The following RIN2 variants were observed in gnomAD, a reference collection of about 807,000 sequenced individuals.
RIN2 encodes RAB5 interacting protein 2.
In RIN2, 36 loss-of-function variants were observed where a neutral mutation model predicts 78.0. That is an observed-to-expected ratio of 0.46 (90% CI 0.35 to 0.61). The LOEUF (loss-of-function observed/expected upper bound fraction) is 0.61, where lower values mean the gene tolerates loss of function less well. Among genes scored for constraint, RIN2 ranks in the 20% least tolerant of loss-of-function variants. The probability of loss-of-function intolerance (pLI) is 0.00; values close to 1 mark genes in which losing one functional copy is unlikely to be tolerated. For synonymous variants in RIN2, 466 were observed against 466.8 expected, an observed-to-expected ratio of 1.00 and a Z score of 0.02; for missense variants, 1,087 against 1,159.7, an observed-to-expected ratio of 0.94 and a Z score of 0.91.
rs1365329684 is a variant in RIN2, at chr20:19,854,562, G to A, written c.-36-35004G>A. On this transcript the variant is annotated intron_variant, in intron 2 of 12. Transcript: ENST00000255006. Reference sequence around the variant, plus strand: ...GTGTCCTCTTTTGTTTCGTTGAGCAGTGGTTTGTAGTTCTCCTTGAAGAGG... The same window carrying A: ...GTGTCCTCTTTTGTTTCGTTGAGCAATGGTTTGTAGTTCTCCTTGAAGAGG... 2.6e-5 allele frequency among the ~76,000 whole-genome samples: 4 copies of A among 152,188 alleles called. No individual in the cohort carries two copies. The East Asian group carries it at 7.7e-4, about 29-fold the overall frequency.
chr20:19,763,769 G>C (rs958087353), intron 1 of RIN2, among the ~76,000 whole-genome samples: 2 of 152,192 alleles, frequency 1.3e-5, no homozygotes, highest in African/African-American at 2.4e-5. Context: ...CCATGATTGA[G>C]AGCCCCTGAT....
chr20:19,763,612 G>A (rs865792102), intron 1 of RIN2, among the ~76,000 whole-genome samples: 2 of 152,154 alleles, frequency 1.3e-5, no homozygotes, highest in Non-Finnish European at 2.9e-5. Context: ...TTAGGTGAAA[G>A]TTTAAACACA....
At chr20:19,951,224 G>A in intron 4 of RIN2, among the ~76,000 whole-genome samples, 1 of 152,056 alleles carries the variant, frequency 6.6e-6, no homozygotes. Flanking sequence ...ATGAGTTCCA[G>A]GCTATGCACT....
intron 1 of RIN2, among the ~76,000 whole-genome samples, chr20:19,784,077 A>C (rs2034595310): frequency 6.6e-6 from 1 of 152,188 alleles, no homozygotes; most frequent in South Asian, 2.1e-4. Context: ...GTGGCACCGG[A>C]TGGCGCTGCT....
intron 3 of RIN2, among the ~76,000 whole-genome samples, chr20:19,921,069 C>G (rs997579304): frequency 6.6e-6 from 1 of 152,200 alleles, no homozygotes; most frequent in African/African-American, 2.4e-5. Flanking sequence ...ATCAGGGGTG[C>G]CGCCTAAACA....
At chr20:19,881,380 T>C (rs536183751) in intron 2 of RIN2, among the ~76,000 whole-genome samples, 20 of 152,310 alleles carry the variant, frequency 1.3e-4, no homozygotes, top group African/African-American at 4.8e-4. Context: ...GTAAACACCC[T>C]GATGGTGAAG....
chr20:19,814,317 G>A (rs191170582), intron 2 of RIN2, among the ~76,000 whole-genome samples: 18 of 152,268 alleles, frequency 1.2e-4, no homozygotes, highest in African/African-American at 4.3e-4. Context: ...TGGGGTGTTT[G>A]GACCCATGTT....
chr20:19,842,863 T>G (rs1482712754), intron 2 of RIN2, among the ~76,000 whole-genome samples: 1 of 151,906 alleles, frequency 6.6e-6, no homozygotes, highest in Non-Finnish European at 1.5e-5. Flanking sequence ...AAAAATCTTC[T>G]GAAAAGAATT....
At position 20,001,068 on chromosome 20, in the gene RIN2, C is replaced by G. The variant is rs1279765688; in HGVS notation, c.*132C>G. On this transcript the variant is annotated 3_prime_UTR_variant, in exon 13 of 13. Transcript: ENST00000255006. The stretch of plus-strand genomic sequence containing the variant: ...CTCAGTGTAGTGACTAAGCCATCCA[C>G]AGGCCAACTCGGCCAAGGGCAACTT... 2 of 819,166 alleles carry G rather than the reference C, an allele frequency of 2.4e-6. No individual in the cohort carries two copies. The highest frequency in any genetic ancestry group is 3.7e-6 in the Non-Finnish European group (2 of 541,736). 50.7% of individuals were successfully genotyped at this position (819,166 alleles called of 1,614,324 possible). A position where few individuals can be genotyped will look rare whatever the true frequency, so the allele number is the denominator to read the frequency against.
At chr20:19,941,840 C>A (rs1161771073) in intron 4 of RIN2, among the ~76,000 whole-genome samples, 1 of 152,076 alleles carries the variant, frequency 6.6e-6, no homozygotes, top group African/African-American at 2.4e-5. Flanking sequence ...TTAAGCCGGG[C>A]AGGGTGACTC....
intron 2 of RIN2, among the ~76,000 whole-genome samples, chr20:19,803,531 C>T (rs1418831164): frequency 6.6e-6 from 1 of 152,172 alleles, no homozygotes; most frequent in Non-Finnish European, 1.5e-5. Context: ...GGAAAACTGG[C>T]TAGGCATATG....
chr20:19,784,265 C>G (rs1336838974), intron 1 of RIN2, among the ~76,000 whole-genome samples: 1 of 152,088 alleles, frequency 6.6e-6, no homozygotes, highest in African/African-American at 2.4e-5. Flanking sequence ...CTGATGATAT[C>G]TAAGAATTGT....
At chr20:19,806,764 G>T (rs891310017) in intron 2 of RIN2, among the ~76,000 whole-genome samples, 1 of 152,156 alleles carries the variant, frequency 6.6e-6, no homozygotes, top group Non-Finnish European at 1.5e-5. Context: ...CAGGCATGGT[G>T]GTGTGCATCT....
At chr20:19,788,985 T>C (rs1376854637) in intron 1 of RIN2, among the ~76,000 whole-genome samples, 1 of 152,244 alleles carries the variant, frequency 6.6e-6, no homozygotes, top group Non-Finnish European at 1.5e-5. Context: ...ACAGCAAATC[T>C]GTAGCTCTTA....
At chr20:19,847,958 G>C (rs998341013) in intron 2 of RIN2, among the ~76,000 whole-genome samples, 2 of 152,126 alleles carry the variant, frequency 1.3e-5, no homozygotes, top group South Asian at 2.1e-4. Context: ...CACCATTCCA[G>C]TACAAAAGCA....
intron 1 of RIN2, among the ~76,000 whole-genome samples, chr20:19,767,452 G>C (rs936043452): frequency 3.3e-5 from 5 of 152,160 alleles, no homozygotes; most frequent in Non-Finnish European, 5.9e-5. Context: ...GGGAAAAGAG[G>C]TTATGGGTCC....
intron 3 of RIN2, among the ~76,000 whole-genome samples, chr20:19,933,956 G>A (rs567527250): frequency 7.5e-4 from 114 of 152,122 alleles, no homozygotes; most frequent in African/African-American, 2.3e-3. Context: ...CTACAGGCAC[G>A]CACCACCACG....
chr20:19,866,975 G>A (rs529148648), intron 2 of RIN2, among the ~76,000 whole-genome samples: 128 of 151,146 alleles, frequency 8.5e-4, no homozygotes, highest in Middle Eastern at 3.4e-3. Flanking sequence ...GTGCGAAAAC[G>A]TTAAACCATC....
intron 2 of RIN2, among the ~76,000 whole-genome samples, chr20:19,803,917 C>T (rs1600493529): frequency 6.6e-6 from 1 of 152,176 alleles, no homozygotes. Context: ...CTTCACTTCT[C>T]TTGTTAGCTG....
Sources: allele counts gnomAD v4.1 joint callset (sites outside exome capture counted in the v4.1 genomes callset), GRCh38; gene constraint gnomAD v4.1.1; transcripts MANE v1.5; gene names NCBI Gene and HGNC (gene_info 2026-07-23, HGNC 2026-07-21).